The following SAXO1 variants were observed in gnomAD, a reference collection of about 807,000 sequenced individuals.
The protein encoded by SAXO1 is stabilizer of axonemal microtubules 1, also known as 4930500O09Rik.
Under a neutral mutation model 17.5 loss-of-function variants are expected in SAXO1, and 21 were observed. That is an observed-to-expected ratio of 1.20 (90% CI 0.85 to 1.72). The LOEUF (loss-of-function observed/expected upper bound fraction) is 1.72. SAXO1 is among the 40% of genes most tolerant of loss of function. The pLI is 0.00. For synonymous variants in SAXO1, 274 were observed against 216.5 expected (o/e 1.27, Z -2.33); for missense variants, 843 against 596.0 (o/e 1.41, Z -4.32).
intron 1 of SAXO1, among the ~76,000 whole-genome samples, chr9:18,967,352 C>A (rs1398268447): frequency 6.6e-6 from 1 of 152,148 alleles, no homozygotes; most frequent in Non-Finnish European, 1.5e-5. Context: ...CCACAGCCAC[C>A]CCTTCCCCCA....
At chr9:19,008,586 G>C (rs560626481) in intron 1 of SAXO1, among the ~76,000 whole-genome samples, 2 of 152,316 alleles carry the variant, frequency 1.3e-5, no homozygotes, top group Admixed American at 1.3e-4. Flanking sequence ...GAAAATGCTA[G>C]ATACCTACCC....
chr9:18,958,679 C>T (rs568537307), intron 1 of SAXO1, among the ~76,000 whole-genome samples: 2 of 152,044 alleles, frequency 1.3e-5, no homozygotes, highest in South Asian at 2.1e-4. Context: ...AATTAAGCCA[C>T]GCCAGCCAAA....
chr9:19,008,517 G>A (rs1248703407), intron 1 of SAXO1, among the ~76,000 whole-genome samples: 1 of 152,170 alleles, frequency 6.6e-6, no homozygotes, highest in Non-Finnish European at 1.5e-5. Flanking sequence ...GTAAGAAATT[G>A]AGGGTGAACA....
rs7857387 is a variant in SAXO1 at position 18,961,314 on chromosome 9, G to A, written c.39-10377C>T. On this transcript the variant is annotated intron_variant, in intron 1 of 3. Transcript: ENST00000380534. ...ACATTTCCAGTAGCTGGGACCACAGGCATGTGCCACCACGCCTGGCTAATT... is the reference window on the plus strand; with the variant it reads ...ACATTTCCAGTAGCTGGGACCACAGACATGTGCCACCACGCCTGGCTAATT... Among the ~76,000 whole-genome samples the A allele has an allele frequency of 4.5e-3, 683 of 152,148 alleles. 6 individuals are homozygous for A. The highest frequency in any genetic ancestry group is 0.016 in the African/African-American group (657 of 41,494).
At chr9:18,997,039 G>C (rs1834035808) in intron 1 of SAXO1, among the ~76,000 whole-genome samples, 1 of 152,170 alleles carries the variant, frequency 6.6e-6, no homozygotes, top group Non-Finnish European at 1.5e-5. Context: ...CGCAGAAGAT[G>C]GGTGATTTCT....
chr9:18,933,773 A>G lies in SAXO1; in HGVS notation c.422-4718T>C, dbSNP rs572556320. 4.8e-4 allele frequency among the ~76,000 whole-genome samples: 73 copies of G among 152,320 alleles called. 1 individual carries two copies. In the Middle Eastern group the frequency reaches 0.01, roughly 21 times the overall value. Reference sequence around the variant, plus strand: ...TAATAATGTCATTTTTGGGCCGGGCACGGTGGCTCACGCCTGTAATCCCAG... The same window carrying G: ...TAATAATGTCATTTTTGGGCCGGGCGCGGTGGCTCACGCCTGTAATCCCAG... On this transcript the variant is annotated intron_variant, in intron 3 of 3. Coordinates refer to ENST00000380534, the MANE Select transcript of SAXO1 (RefSeq NM_153707.4).
At chr9:19,043,241 G>C (rs1836120854) in intron 1 of SAXO1, among the ~76,000 whole-genome samples, 1 of 152,162 alleles carries the variant, frequency 6.6e-6, no homozygotes, top group African/African-American at 2.4e-5. Flanking sequence ...CCTGTCATTT[G>C]CAACAACATG....
chr9:18,972,056 G>A (rs1315602121), intron 1 of SAXO1, among the ~76,000 whole-genome samples: 4 of 152,170 alleles, frequency 2.6e-5, no homozygotes, highest in Admixed American at 2.0e-4. Context: ...ATGAAAGTCA[G>A]AACTTGTTAA....
chr9:19,034,895 T>A (rs1019597464), upstream of SAXO1, among the ~76,000 whole-genome samples: 3 of 152,232 alleles, frequency 2.0e-5, no homozygotes, highest in African/African-American at 7.2e-5. Context: ...AGCAGAAGAA[T>A]GCCTGTTCAT....
intron 3 of SAXO1, among the ~76,000 whole-genome samples, chr9:18,937,052 A>G (rs1252982612): frequency 6.6e-6 from 1 of 152,224 alleles, no homozygotes; most frequent in African/African-American, 2.4e-5. Context: ...GTGGTAGAGG[A>G]GGAAGAGAAT....
At chr9:18,973,898 C>T (rs1563955093) in intron 1 of SAXO1, among the ~76,000 whole-genome samples, 1 of 152,170 alleles carries the variant, frequency 6.6e-6, no homozygotes, top group South Asian at 2.1e-4. Context: ...ACTCTCAAAG[C>T]TCTTGTTATA....
intron 1 of SAXO1, among the ~76,000 whole-genome samples, chr9:19,047,114 G>A (rs11792293): frequency 0.04 from 6,093 of 152,334 alleles, 155 homozygotes; most frequent in Non-Finnish European, 0.06. Flanking sequence ...TTGAATCTGG[G>A]AGGCGGAGGT....
At chr9:19,021,436 C>T (rs1240501718) in intron 1 of SAXO1, among the ~76,000 whole-genome samples, 1 of 152,176 alleles carries the variant, frequency 6.6e-6, no homozygotes, top group Non-Finnish European at 1.5e-5. Flanking sequence ...TGCCCCATGT[C>T]CCCTTTTCCC....
intron 1 of SAXO1, among the ~76,000 whole-genome samples, chr9:19,012,288 TG>T (rs1834778807): frequency 6.6e-6 from 1 of 152,266 alleles, no homozygotes; most frequent in Non-Finnish European, 1.5e-5. Flanking sequence ...ACTTACCATC[TG>T]GGGGTTAAGA....
intron 1 of SAXO1, among the ~76,000 whole-genome samples, chr9:19,038,732 T>G (rs1836006848): frequency 1.3e-5 from 2 of 151,472 alleles, no homozygotes; most frequent in African/African-American, 4.9e-5. Flanking sequence ...ATTGTGCACA[T>G]GTACCCTAAA....
intron 2 of SAXO1, among the ~76,000 whole-genome samples, chr9:18,946,490 GAC>G (rs1563935322): frequency 6.6e-6 from 1 of 151,840 alleles, no homozygotes; most frequent in Non-Finnish European, 1.5e-5. Context: ...GGCCACCCAA[GAC>G]ACAGAGTTTG....
chr9:19,018,565 T>A (rs911848891), intron 1 of SAXO1, among the ~76,000 whole-genome samples: 1 of 152,220 alleles, frequency 6.6e-6, no homozygotes, highest in South Asian at 2.1e-4. Context: ...AAAGTATTGC[T>A]TCACGTCATG....
upstream of SAXO1, among the ~76,000 whole-genome samples, chr9:19,037,881 C>T (rs1170383590): frequency 1.3e-5 from 2 of 152,180 alleles, no homozygotes; most frequent in Non-Finnish European, 1.5e-5. Flanking sequence ...AATCAGAACA[C>T]TGAAGCCAGG....
chr9:19,021,977 C>T (rs746946296), intron 1 of SAXO1, among the ~76,000 whole-genome samples: 1 of 152,246 alleles, frequency 6.6e-6, no homozygotes, highest in Admixed American at 6.5e-5. Context: ...TCAGCAGTGG[C>T]AACTGGGTCG....
Sources: allele counts gnomAD v4.1 joint callset (sites outside exome capture counted in the v4.1 genomes callset), GRCh38; gene constraint gnomAD v4.1.1; transcripts MANE v1.5; gene names NCBI Gene and HGNC (gene_info 2026-07-23, HGNC 2026-07-21).